ZDHHC23: variants seen among roughly 807,000 people sequenced by gnomAD.
ZDHHC23 encodes zDHHC palmitoyltransferase 23, also known as palmitoyltransferase ZDHHC23.
Under a neutral mutation model 40.2 loss-of-function variants are expected in ZDHHC23, and 41 were observed. That is an observed-to-expected ratio of 1.02 (90% CI 0.79 to 1.32). The LOEUF is 1.32. Among genes scored for constraint, ZDHHC23 ranks in the 40% most tolerant of loss-of-function variants. The pLI, the probability that ZDHHC23 is intolerant of heterozygous loss-of-function variation, is 0.00. For synonymous variants in ZDHHC23, 204 were observed against 210.2 expected, an observed-to-expected ratio of 0.97 and a Z score of 0.26; for missense variants, 471 against 541.5, an observed-to-expected ratio of 0.87 and a Z score of 1.29.
the ZDHHC23 span, among the ~76,000 whole-genome samples, chr3:113,973,658 A>G: frequency 6.7e-6 from 1 of 149,336 alleles, no homozygotes; most frequent in African/African-American, 2.5e-5. Context: ...CTCCTGGCCT[A>G]TACCGTTTCT....
In ZDHHC23 at chr3:113,958,949, A is replaced by T; in HGVS notation, c.*319A>T. 8.3e-7 allele frequency: 1 copy of T among 1,207,926 alleles called. No homozygotes were observed. Among genetic ancestry groups the T allele is most frequent in the Non-Finnish European group, 1.0e-6 (1 of 953,128 alleles). The allele number at this position is 1,207,926 out of a possible 1,614,324, so 74.8% of individuals were successfully genotyped here. The stretch of plus-strand genomic sequence containing the variant: ...TCCCATCCATTAGTATGGAGGAAAG[A>T]GTGTTGGATTAGGATAGTTTCTAGT... On this transcript the variant is annotated 3_prime_UTR_variant, in exon 5 of 5. Coordinates refer to ENST00000638807, the MANE Select transcript of ZDHHC23 (RefSeq NM_001320466.2).
rs767152123 is a variant in ZDHHC23 at position 113,948,820 on chromosome 3, TATGAAGCCTGTGAAGAA to T, written c.20_36del (p.Met7LysfsTer7). On this transcript the variant is annotated frameshift_variant, in exon 2 of 5. Coordinates refer to ENST00000638807, the MANE Select transcript of ZDHHC23 (RefSeq NM_001320466.2). LOFTEE classifies it high-confidence loss of function. ...TGCAAATCATGACACAGAAGGGCAG[TATGAAGCCTGTGAAGAA>T]AAAGAAAACCGAAGAACCTGAATTG... 1.4e-5 allele frequency: 23 copies of T among 1,614,176 alleles called. No individual in the cohort carries two copies. The South Asian group carries it at 2.4e-4, about 17-fold the overall frequency.
chr3:113,973,655 C>T, the ZDHHC23 span, among the ~76,000 whole-genome samples: 17 of 150,924 alleles, frequency 1.1e-4, no homozygotes, highest in Non-Finnish European at 2.5e-4. Context: ...TGTCTCCTGG[C>T]CTATACCGTT....
chr3:113,971,559 G>A, the ZDHHC23 span, among the ~76,000 whole-genome samples: 9 of 152,150 alleles, frequency 5.9e-5, no homozygotes, highest in South Asian at 2.1e-4. Flanking sequence ...TCTTTTCAAC[G>A]TGTTATTGAA....
Position 113,958,612 on chromosome 3 carries a change from T to C in ZDHHC23, c.1290T>C (p.Pro430=). 6.2e-7 allele frequency: 1 copy of C among 1,600,308 alleles called. No individual in the cohort carries two copies. The change falls in exon 5 of 5, where the codon CCT becomes CCC. Residue 430 remains proline, a synonymous_variant. Coordinates refer to ENST00000638807, the MANE Select transcript of ZDHHC23 (RefSeq NM_001320466.2). ...STLGTRAFHH[P]AEDIV is the part of the protein sequence containing the mutation. The stretch of plus-strand genomic sequence containing the variant: ...TGGGCACACGTGCATTCCACCACCC[T>C]GCCGAGGACATTGTCTGAAGTGCCT...
Position 113,960,878 on chromosome 3 carries a change from C to T in ZDHHC23, c.*2248C>T, listed in dbSNP as rs3732785. 882,895 of 1,302,294 alleles carry T rather than the reference C, an allele frequency of 0.68. 302,415 individuals carry two copies. The highest frequency in any genetic ancestry group is 0.89 in the African/African-American group (57,195 of 64,348). The allele number at this position is 1,302,294 out of a possible 1,614,324, so 80.7% of individuals were successfully genotyped here. Reference sequence around the variant, plus strand: ...TTAAACCTGTCAAAAGATGAGTGATCTTGTGTGGGAAAAGCCTTCCCAGGC... The same window carrying T: ...TTAAACCTGTCAAAAGATGAGTGATTTTGTGTGGGAAAAGCCTTCCCAGGC... On this transcript the variant is annotated 3_prime_UTR_variant, in exon 5 of 5. Transcript: ENST00000638807.
At chr3:113,956,942 G>A (rs1449153995) in intron 4 of ZDHHC23, among the ~76,000 whole-genome samples, 1 of 152,138 alleles carries the variant, frequency 6.6e-6, no homozygotes, top group African/African-American at 2.4e-5. Flanking sequence ...TACTGCTTCC[G>A]ACCCTTTTGA....
downstream of ZDHHC23, chr3:113,965,130 G>A (rs193002499): frequency 6.6e-7 from 1 of 1,505,040 alleles, no homozygotes; most frequent in Admixed American, 1.9e-5. Context: ...CGAGCTTCCT[G>A]TCCTAAATAT....
chr3:113,954,673 C>T (rs987348022), intron 3 of ZDHHC23, among the ~76,000 whole-genome samples: 7 of 151,804 alleles, frequency 4.6e-5, no homozygotes, highest in Non-Finnish European at 4.4e-5. Flanking sequence ...AATGACTCCT[C>T]ATTTATCTTT....
At chr3:113,967,471 T>G (rs932887309), downstream of ZDHHC23, among the ~76,000 whole-genome samples, 1 of 152,100 alleles carries the variant, frequency 6.6e-6, no homozygotes, top group East Asian at 1.9e-4. Flanking sequence ...GGTTTGGCAC[T>G]TATTTATAGC....
downstream of ZDHHC23, among the ~76,000 whole-genome samples, chr3:113,969,482 G>T (rs1280971787): frequency 6.6e-6 from 1 of 152,150 alleles, no homozygotes; most frequent in Non-Finnish European, 1.5e-5. Flanking sequence ...ATAGTTTCTG[G>T]ACTTAGATTT....
At chr3:113,954,664 A>C (rs1266003101) in intron 3 of ZDHHC23, among the ~76,000 whole-genome samples, 1 of 152,004 alleles carries the variant, frequency 6.6e-6, no homozygotes, top group Non-Finnish European at 1.5e-5. Context: ...TTTCTTTTGA[A>C]TGACTCCTCA....
chr3:113,956,975 C>G (rs1315704145), intron 4 of ZDHHC23, among the ~76,000 whole-genome samples: 1 of 152,182 alleles, frequency 6.6e-6, no homozygotes, highest in African/African-American at 2.4e-5. Flanking sequence ...ATCTCTATAA[C>G]CTTGCTTTTC....
Position 113,959,106 on chromosome 3 carries a change from G to C in ZDHHC23, c.*476G>C. On this transcript the variant is annotated 3_prime_UTR_variant, in exon 5 of 5. Transcript: ENST00000638807. ...AGAGCCGTCATGAGGGTCACGTGAG[G>C]GAAGATGGATGTGGAAAGCACTAAA... is the stretch of plus-strand genomic sequence containing the variant. 1.1e-6 allele frequency: 1 copy of C among 951,032 alleles called. No individual in the cohort carries two copies. The highest frequency in any genetic ancestry group is 1.3e-6 in the Non-Finnish European group (1 of 760,870). The allele number at this position is 951,032 out of a possible 1,614,324, so 58.9% of individuals were successfully genotyped here.
rs768220148 is a variant in ZDHHC23, at chr3:113,958,773, A to T, written c.*143A>T. The T allele has an allele frequency of 6.4e-7, 1 of 1,552,492 alleles. No homozygotes were observed. Among genetic ancestry groups the T allele is most frequent in the Middle Eastern group, 1.7e-4 (1 of 5,794 alleles). Reference sequence around the variant, plus strand: ...CAGGTTTAGAGACTGGAGTGGGAAGAAGTTAATTTTTCTGACGCCACAACT... The same window carrying T: ...CAGGTTTAGAGACTGGAGTGGGAAGTAGTTAATTTTTCTGACGCCACAACT... On this transcript the variant is annotated 3_prime_UTR_variant, in exon 5 of 5. Coordinates refer to ENST00000638807, the MANE Select transcript of ZDHHC23 (RefSeq NM_001320466.2).
the ZDHHC23 span, among the ~76,000 whole-genome samples, chr3:113,976,227 C>T: frequency 6.6e-6 from 1 of 151,836 alleles, no homozygotes; most frequent in Non-Finnish European, 1.5e-5. Context: ...CTACTGCACT[C>T]CAGCCTGGGT....
At chr3:113,948,262 G>C (rs1310092652) in intron 1 of ZDHHC23, 72 bp downstream of exon 1, 1 of 152,588 alleles carries the variant, frequency 6.6e-6, no homozygotes, top group Non-Finnish European at 1.5e-5. Context: ...CCGGATTGGC[G>C]GGGGCGGGAG....
the ZDHHC23 span, chr3:113,978,570 T>C: frequency 5.1e-6 from 3 of 590,136 alleles, no homozygotes; most frequent in East Asian, 8.5e-5. Context: ...TCTAAATCAC[T>C]TGAGCACTGT....
intron 4 of ZDHHC23, among the ~76,000 whole-genome samples, chr3:113,956,961 C>T (rs1006417933): frequency 3.3e-5 from 5 of 152,160 alleles, no homozygotes; most frequent in East Asian, 1.9e-4. Flanking sequence ...GAGATGTGCT[C>T]GACATCTCTA....
Sources: gnomAD v4.1 joint callset for allele counts (sites outside exome capture counted in the v4.1 genomes callset) on GRCh38, gnomAD v4.1.1 for gene constraint, MANE v1.5 for transcripts, NCBI Gene and HGNC (gene_info 2026-07-23, HGNC 2026-07-21) for gene names.